The following GSDMC variants were observed in gnomAD, a reference collection of about 807,000 sequenced individuals.
GSDMC encodes gasdermin C.
GSDMC carries 59 observed loss-of-function variants against 58.0 expected under a neutral mutation model. The ratio of observed to expected loss-of-function variants is 1.02; its 90% CI spans 0.82 to 1.26. The LOEUF (loss-of-function observed/expected upper bound fraction) is 1.26, where lower values mean the gene tolerates loss of function less well. GSDMC is among the 50% of genes most tolerant of loss of function. The pLI is 0.00. For missense variants in GSDMC, 659 were observed against 598.5 expected (o/e 1.10, Z -1.06); for synonymous variants, 241 against 220.2 (o/e 1.09, Z -0.83).
At chr8:129,719,829 C>T in the GSDMC span, among the ~76,000 whole-genome samples, 1 of 152,246 alleles carries the variant, frequency 6.6e-6, no homozygotes, top group East Asian at 1.9e-4. Flanking sequence ...CCTGTAATTC[C>T]ATCTACTCAG....
chr8:129,728,446 T>C, the GSDMC span, among the ~76,000 whole-genome samples: 7 of 152,160 alleles, frequency 4.6e-5, no homozygotes, highest in Admixed American at 3.9e-4. Flanking sequence ...GAGGAAGTTT[T>C]CCAGCTCCAC....
chr8:129,724,590 T>C, the GSDMC span, among the ~76,000 whole-genome samples: 2 of 151,578 alleles, frequency 1.3e-5, no homozygotes, highest in African/African-American at 2.4e-5. Flanking sequence ...CAATAAACAA[T>C]GAGTAACAAC....
chr8:129,740,672 T>C, the GSDMC span, among the ~76,000 whole-genome samples: 2 of 152,316 alleles, frequency 1.3e-5, no homozygotes, highest in East Asian at 3.9e-4. Context: ...AACCACCTAA[T>C]GATGCATTTA....
At chr8:129,725,349 C>T in the GSDMC span, among the ~76,000 whole-genome samples, 1 of 152,152 alleles carries the variant, frequency 6.6e-6, no homozygotes, top group Non-Finnish European at 1.5e-5. Context: ...CAAAGACACA[C>T]TCATGCGTTC....
At chr8:129,709,846 C>A in the GSDMC span, among the ~76,000 whole-genome samples, 1 of 152,210 alleles carries the variant, frequency 6.6e-6, no homozygotes, top group Non-Finnish European at 1.5e-5. Context: ...ATGCTCTTCC[C>A]TCTGTCTGAA....
At chr8:129,759,341 A>C (rs2033569530) in intron 6 of GSDMC, among the ~76,000 whole-genome samples, 1 of 152,158 alleles carries the variant, frequency 6.6e-6, no homozygotes, top group African/African-American at 2.4e-5. Flanking sequence ...AGCACTGGCA[A>C]CTAAAGCAAA....
Position 129,750,396 on chromosome 8 carries a change from T to C in GSDMC, c.1083+35A>G, listed in dbSNP as rs778574210. ...TCTCCTAACCAATCCCATTTACAGC[T>C]TTTACCAGACCTATGCAACTGTGGA... On this transcript the variant is annotated intron_variant, in intron 11 of 13. Transcript: ENST00000276708. 8 of 1,597,028 alleles carry C rather than the reference T, an allele frequency of 5.0e-6. 1 individual carries two copies. The Admixed American group carries it at 1.1e-4, about 21-fold the overall frequency.
chr8:129,753,393 G>A (rs1237505495), intron 6 of GSDMC, among the ~76,000 whole-genome samples: 1 of 152,136 alleles, frequency 6.6e-6, no homozygotes, highest in Non-Finnish European at 1.5e-5. Context: ...AGACACCCCT[G>A]GGTGAAAAGG....
intron 4 of GSDMC, 91 bp from the exon 5 acceptor site, chr8:129,762,822 A>G (rs945017678): frequency 2.7e-5 from 22 of 814,674 alleles, no homozygotes; most frequent in Non-Finnish European, 4.2e-5. Flanking sequence ...AAACATCAGC[A>G]TTCCCTGCTC....
chr8:129,786,115 A>C lies in GSDMC; in HGVS notation c.-109T>G, dbSNP rs4509280. On this transcript the variant is annotated 5_prime_UTR_variant, in exon 1 of 14. Transcript: ENST00000276708. ...TTTGGGAGGCTGAGGCCGGTGGATCACGAGGTCAGGAGTTCAAGATCAGCC... is the reference window on the plus strand; with the variant it reads ...TTTGGGAGGCTGAGGCCGGTGGATCCCGAGGTCAGGAGTTCAAGATCAGCC... The C allele has an allele frequency of 0.2, 30,922 of 152,050 alleles. 3,348 individuals are homozygous for C. The highest frequency in any genetic ancestry group is 0.39 in the East Asian group (2,007 of 5,154). 9.4% of individuals were successfully genotyped at this position (152,050 alleles called of 1,614,324 possible).
the GSDMC span, among the ~76,000 whole-genome samples, chr8:129,727,968 G>T: frequency 1.2e-4 from 18 of 152,132 alleles, no homozygotes; most frequent in Non-Finnish European, 2.1e-4. Context: ...TGCCCAGACT[G>T]CTCCTCTGAG....
At chr8:129,706,252 CCA>C in the GSDMC span, among the ~76,000 whole-genome samples, 1 of 152,028 alleles carries the variant, frequency 6.6e-6, no homozygotes, top group Non-Finnish European at 1.5e-5. Flanking sequence ...CAGAGGGTTG[CCA>C]ACTTTTTGCC....
chr8:129,711,507 A>G, the GSDMC span, among the ~76,000 whole-genome samples: 2 of 152,318 alleles, frequency 1.3e-5, no homozygotes, highest in African/African-American at 4.8e-5. Flanking sequence ...GCAGATTAAT[A>G]ACATGGTCTT....
intron 11 of GSDMC, 32 bp from the exon 12 acceptor site, chr8:129,750,151 A>C (rs752038876): frequency 2.0e-6 from 3 of 1,469,994 alleles, no homozygotes; most frequent in African/African-American, 1.4e-5. Context: ...GTTAATAATA[A>C]TACTAATAAC....
chr8:129,756,173 C>T (rs1316926979), intron 6 of GSDMC, among the ~76,000 whole-genome samples: 1 of 144,698 alleles, frequency 6.9e-6, no homozygotes, highest in Non-Finnish European at 1.5e-5. Context: ...ATATTCCATG[C>T]TAATGGAAAC....
chr8:129,729,097 T>C, the GSDMC span: 1 of 638,262 alleles, frequency 1.6e-6, no homozygotes, highest in South Asian at 1.5e-5. Flanking sequence ...AAGAAACAGA[T>C]GAAAATGATC....
the GSDMC span, among the ~76,000 whole-genome samples, chr8:129,731,296 T>C: frequency 4.6e-5 from 7 of 152,072 alleles, no homozygotes; most frequent in Admixed American, 3.3e-4. Context: ...TACTCAGTGA[T>C]AGGGTAGTTC....
the GSDMC span, among the ~76,000 whole-genome samples, chr8:129,736,923 A>G: frequency 6.6e-6 from 1 of 152,266 alleles, no homozygotes; most frequent in Admixed American, 6.5e-5. Context: ...CCTTAAGCTG[A>G]TAAGCAACTT....
chr8:129,746,678 T>C (rs2032969352), downstream of GSDMC, among the ~76,000 whole-genome samples: 1 of 152,338 alleles, frequency 6.6e-6, no homozygotes, highest in Admixed American at 6.5e-5. Flanking sequence ...TTTAGATGTA[T>C]ATGCAAAGAG....
Sources: gnomAD v4.1 joint callset for allele counts (sites outside exome capture counted in the v4.1 genomes callset) on GRCh38, gnomAD v4.1.1 for gene constraint, MANE v1.5 for transcripts, NCBI Gene and HGNC (gene_info 2026-07-23, HGNC 2026-07-21) for gene names.